Variants in QPCTL observed in about 807,000 individuals in gnomAD.
The protein encoded by QPCTL is glutaminyl-peptide cyclotransferase like.
QPCTL carries 31 observed loss-of-function variants against 34.6 expected under a neutral mutation model. The observed-to-expected ratio is 0.90, with a 90% CI of 0.67 to 1.21. QPCTL has a LOEUF of 1.21. Among genes scored for constraint, QPCTL ranks in the 50% most tolerant of loss-of-function variants. The probability of loss-of-function intolerance (pLI) is 0.00; values close to 1 mark genes in which losing one functional copy is unlikely to be tolerated. For missense variants in QPCTL, 474 were observed against 507.8 expected (o/e 0.93, Z 0.64); for synonymous variants, 223 against 226.9 (o/e 0.98, Z 0.15).
At chr19:45,698,292 ACC>A (rs1407631948) in intron 3 of QPCTL, among the ~76,000 whole-genome samples, 3 of 151,926 alleles carry the variant, frequency 2.0e-5, no homozygotes, top group Admixed American at 6.6e-5. Flanking sequence ...CCTCTTATTA[ACC>A]CCATTTATAG....
chr19:45,697,391 ACGCC>A (rs1967718357), intron 3 of QPCTL, among the ~76,000 whole-genome samples: 1 of 139,262 alleles, frequency 7.2e-6, no homozygotes, highest in South Asian at 2.4e-4. Flanking sequence ...GCGCCACTGT[ACGCC>A]AGCCTGGGCG....
intron 1 of QPCTL, among the ~76,000 whole-genome samples, 182 bp from the exon 2 acceptor site, chr19:45,693,231 G>C (rs1967609634): frequency 6.6e-6 from 1 of 152,124 alleles, no homozygotes; most frequent in South Asian, 2.1e-4. Flanking sequence ...GAGGTAGGCT[G>C]GACCGGATGG....
At chr19:45,693,701 C>A in intron 2 of QPCTL, 145 bp downstream of exon 2, 4 of 1,209,640 alleles carry the variant, frequency 3.3e-6, no homozygotes, top group Non-Finnish European at 4.5e-6. Context: ...ATGCTGGTAA[C>A]AAACCACCAG....
At position 45,695,574 on chromosome 19, in the gene QPCTL, C is replaced by CA; in HGVS notation, c.490dup (p.Thr164AsnfsTer7). On this transcript the variant is annotated frameshift_variant, in exon 3 of 7. Coordinates refer to ENST00000012049, the MANE Select transcript of QPCTL (RefSeq NM_017659.4). LOFTEE classifies it high-confidence loss of function. ...TGGACCCAAGGGCTGCCCGTCACCT[C>CA]ACCCTTGCCTGCCATTATGACTCGA... 1 of 1,614,132 alleles carries CA rather than the reference C, an allele frequency of 6.2e-7. No individual in the cohort carries two copies. Among genetic ancestry groups the CA allele is most frequent in the Non-Finnish European group, 8.5e-7 (1 of 1,180,006 alleles).
chr19:45,701,868 G>A lies in QPCTL; in HGVS notation c.957G>A (p.Glu319=), dbSNP rs1423709418. The A allele has an allele frequency of 6.2e-7, 1 of 1,614,038 alleles. No homozygotes were observed. The highest frequency in any genetic ancestry group is 1.7e-5 in the Admixed American group (1 of 60,012). Residue 319 remains glutamate (E), a synonymous_variant, in exon 6 of 7, where the codon GAG becomes GAA. Coordinates refer to ENST00000012049, the MANE Select transcript of QPCTL (RefSeq NM_017659.4). ...PQEVMYFQPG[E]PFGSVEDDHI... is the part of the protein sequence containing the mutation. ...AAGTGATGTACTTCCAACCCGGGGAGCCCTTTGGCTCTGTGGAAGACGACC... is the reference window on the plus strand; with the variant it reads ...AAGTGATGTACTTCCAACCCGGGGAACCCTTTGGCTCTGTGGAAGACGACC...
Position 45,699,321 on chromosome 19 carries a change from G to A in QPCTL, c.886+421G>A, listed in dbSNP as rs548810887. ...GCTGGGATTACAGGCGTGAGCCACC[G>A]TGCCTGGTGACCCCATCTCTTAAAA... On this transcript the variant is annotated intron_variant, in intron 5 of 6. Transcript: ENST00000012049. 1.4e-4 allele frequency among the ~76,000 whole-genome samples: 21 copies of A among 150,194 alleles called. No homozygotes were observed. In the South Asian group the frequency reaches 2.9e-3, roughly 21 times the overall value.
chr19:45,700,987 G>A (rs1271414878), intron 5 of QPCTL, among the ~76,000 whole-genome samples: 4 of 151,206 alleles, frequency 2.6e-5, no homozygotes, highest in South Asian at 2.1e-4. Flanking sequence ...AGGCCGGAGG[G>A]CCCAGACATA....
chr19:45,694,378 CA>C lies in QPCTL; in HGVS notation c.351+833del, dbSNP rs916322305. On this transcript the variant is annotated intron_variant, in intron 2 of 6. Coordinates refer to ENST00000012049, the MANE Select transcript of QPCTL (RefSeq NM_017659.4). ...TGGGTGACAGAGCGAGACTCCATCT[CA>C]AAAAAAAAAAGTCACTTAAATACTG... Among the ~76,000 whole-genome samples, 421 of 144,146 alleles carry C rather than the reference CA, an allele frequency of 2.9e-3. 1 individual carries two copies. The highest frequency in any genetic ancestry group is 9.5e-3 in the African/African-American group (375 of 39,566). 94.6% of individuals were successfully genotyped at this position (144,146 alleles called of 152,430 possible). A position where few individuals can be genotyped will look rare whatever the true frequency, so the allele number is the denominator to read the frequency against.
At chr19:45,702,237 G>GA (rs1361290316) in intron 6 of QPCTL, among the ~76,000 whole-genome samples, 11 of 151,704 alleles carry the variant, frequency 7.3e-5, no homozygotes, top group Non-Finnish European at 8.8e-5. Flanking sequence ...GGCGGGGGGG[G>GA]ATCCTTGAGC....
intron 6 of QPCTL, 115 bp from the exon 7 acceptor site, chr19:45,702,789 A>G: frequency 2.4e-6 from 3 of 1,248,772 alleles, no homozygotes; most frequent in Admixed American, 2.1e-5. Flanking sequence ...GTGCCAGAAC[A>G]TAGTATCTTT....
At chr19:45,698,240 A>G (rs1967737266) in intron 3 of QPCTL, among the ~76,000 whole-genome samples, 1 of 151,778 alleles carries the variant, frequency 6.6e-6, no homozygotes, top group African/African-American at 2.4e-5. Flanking sequence ...ACAGAGCAAG[A>G]TTTATTCTAA....
intron 3 of QPCTL, among the ~76,000 whole-genome samples, chr19:45,696,068 T>C (rs1967688944): frequency 6.6e-6 from 1 of 151,984 alleles, no homozygotes; most frequent in Admixed American, 6.6e-5. Context: ...AGATGTCAGA[T>C]TCTCTTTCCT....
chr19:45,696,739 A>G (rs1266545948), intron 3 of QPCTL, among the ~76,000 whole-genome samples: 2 of 151,130 alleles, frequency 1.3e-5, no homozygotes, highest in African/African-American at 4.9e-5. Flanking sequence ...TGTCTCTTAA[A>G]AAAAAAAAAA....
chr19:45,692,854 A>G lies in QPCTL; in HGVS notation c.151A>G (p.Ile51Val), dbSNP rs531377929. 3.2e-6 allele frequency: 5 copies of G among 1,558,720 alleles called. No homozygotes were observed. In the African/African-American group the frequency reaches 5.4e-5, roughly 17 times the overall value. ...ALAVGSAFYTIWSGWHRRTEE... is the reference protein window; with the variant it reads ...ALAVGSAFYTVWSGWHRRTEE... ...GGCCGTGGGCTCGGCGTTCTACACC[A>G]TTTGGAGCGGCTGGCACCGCAGGAC... Residue 51 changes from isoleucine to valine, a missense_variant, in exon 1 of 7, where the codon ATT becomes GTT. Physicochemically the swap from Ile to Val is conservative, Grantham distance 29. Transcript: ENST00000012049.
intron 1 of QPCTL, 122 bp from the exon 2 acceptor site, chr19:45,693,291 T>C (rs1967612048): frequency 5.3e-6 from 7 of 1,310,174 alleles, no homozygotes; most frequent in Non-Finnish European, 7.3e-6. Flanking sequence ...AAGTCTCCGA[T>C]GCTGGAGGCG....
Position 45,692,840 on chromosome 19 carries a change from C to A in QPCTL, c.137C>A (p.Ser46Ter), listed in dbSNP as rs767415148. The A allele has an allele frequency of 3.2e-6, 5 of 1,563,708 alleles. No homozygotes were observed. Among genetic ancestry groups the A allele is most frequent in the Non-Finnish European group, 4.3e-6 (5 of 1,154,468 alleles). The change falls in exon 1 of 7, where the codon TCG becomes TAG. Residue 46 changes from serine (S) to a stop codon, truncating the protein, a stop_gained. Coordinates refer to ENST00000012049, the MANE Select transcript of QPCTL (RefSeq NM_017659.4). LOFTEE classifies it high-confidence loss of function. ...CTGTTGCTGGCGCTGGCCGTGGGCT[C>A]GGCGTTCTACACCATTTGGAGCGGC... Reference protein sequence around the residue: ...LPLLLALAVGSAFYTIWSGWH... With the variant: ...LPLLLALAVG
rs767293434 is a variant in QPCTL, at chr19:45,695,634, G to T, written c.549G>T (p.Gly183=). The T allele has an allele frequency of 1.1e-5, 18 of 1,613,892 alleles. No individual in the cohort carries two copies. Among genetic ancestry groups the T allele is most frequent in the Non-Finnish European group, 1.3e-5 (15 of 1,179,970 alleles). The change falls in exon 3 of 7, where the codon GGG becomes GGT. Residue 183 remains glycine (G), a synonymous_variant. Coordinates refer to ENST00000012049, the MANE Select transcript of QPCTL (RefSeq NM_017659.4). ...LFPPGSTPFV[G]ATDSAVPCAL... ...CACCCGGATCGACCCCCTTTGTAGG[G>T]GCCACGGATTCGGCTGTGCCCTGTG...
At chr19:45,694,713 C>T (rs532216793) in intron 2 of QPCTL, among the ~76,000 whole-genome samples, 15 of 152,022 alleles carry the variant, frequency 9.9e-5, no homozygotes, top group African/African-American at 3.1e-4. Flanking sequence ...TTATGATCCG[C>T]CCACCTCAGC....
chr19:45,698,030 G>A (rs1045888748), intron 3 of QPCTL, among the ~76,000 whole-genome samples: 3 of 152,020 alleles, frequency 2.0e-5, no homozygotes, highest in African/African-American at 7.2e-5. Flanking sequence ...ATCATTTGAG[G>A]TCAGGAGTTC....
Sources: gnomAD v4.1 joint callset for allele counts (sites outside exome capture counted in the v4.1 genomes callset) on GRCh38, gnomAD v4.1.1 for gene constraint, MANE v1.5 for transcripts, NCBI Gene and HGNC (gene_info 2026-07-23, HGNC 2026-07-21) for gene names.